Variants in CAST observed in about 807,000 individuals in gnomAD.
CAST encodes the protein MIR583 host.
In CAST, 76 loss-of-function variants were observed where a neutral mutation model predicts 119.6. The ratio of observed to expected loss-of-function variants is 0.64; its 90% CI spans 0.53 to 0.77. CAST has a LOEUF of 0.77. Among genes scored for constraint, CAST ranks in the 30% least tolerant of loss-of-function variants. CAST has a pLI of 0.00. For synonymous variants in CAST, 319 were observed against 331.6 expected (o/e 0.96, Z 0.41); for missense variants, 953 against 946.5 (o/e 1.01, Z -0.09).
the CAST span, among the ~76,000 whole-genome samples, chr5:96,511,465 A>G: frequency 2.6e-5 from 4 of 152,256 alleles, no homozygotes; most frequent in East Asian, 7.7e-4. Flanking sequence ...TTCTATCCAC[A>G]AGGTTTGAAA....
chr5:96,485,291 T>G, the CAST span, among the ~76,000 whole-genome samples: 1,301 of 152,258 alleles, frequency 8.5e-3, 22 homozygotes, highest in African/African-American at 0.03. Flanking sequence ...GATCATCAAC[T>G]CCTCTTCTTT....
At chr5:96,346,269 A>G in the CAST span, among the ~76,000 whole-genome samples, 1 of 152,186 alleles carries the variant, frequency 6.6e-6, no homozygotes, top group South Asian at 2.1e-4. Context: ...TTATAATGAT[A>G]TTCTGCAGGA....
At chr5:96,519,047 C>T in the CAST span, among the ~76,000 whole-genome samples, 7 of 151,896 alleles carry the variant, frequency 4.6e-5, no homozygotes, top group South Asian at 6.2e-4. Flanking sequence ...GGTGACAGAG[C>T]GAAACTGTCT....
At chr5:96,671,258 C>T (rs1158228966) in intron 1 of CAST, among the ~76,000 whole-genome samples, 1 of 152,140 alleles carries the variant, frequency 6.6e-6, no homozygotes, top group Non-Finnish European at 1.5e-5. Flanking sequence ...TTTACTATGG[C>T]ATCCTGTCCT....
the CAST span, among the ~76,000 whole-genome samples, chr5:96,056,044 A>G: frequency 6.6e-6 from 1 of 152,060 alleles, no homozygotes; most frequent in African/African-American, 2.4e-5. Context: ...TTTCTTTTTG[A>G]AAACATCGTT....
the CAST span, among the ~76,000 whole-genome samples, chr5:96,072,658 T>A: frequency 6.6e-6 from 1 of 152,218 alleles, no homozygotes; most frequent in Non-Finnish European, 1.5e-5. Flanking sequence ...TCTGGTGTGT[T>A]ACGCATTTGC....
chr5:96,738,309 G>A (rs151846), intron 11 of CAST, among the ~76,000 whole-genome samples: 33,429 of 152,024 alleles, frequency 0.22, 3,755 homozygotes, highest in East Asian at 0.35. Flanking sequence ...GCGACAGAGC[G>A]AGACTCCATC....
the CAST span, among the ~76,000 whole-genome samples, chr5:96,256,759 A>C: frequency 6.6e-6 from 1 of 152,152 alleles, no homozygotes; most frequent in African/African-American, 2.4e-5. Context: ...ATGATAAAAT[A>C]CATAAATATA....
the CAST span, among the ~76,000 whole-genome samples, chr5:96,330,346 A>G: frequency 6.6e-6 from 1 of 152,154 alleles, no homozygotes; most frequent in African/African-American, 2.4e-5. Flanking sequence ...TTCCCCCACC[A>G]TCTCTGTGTC....
At chr5:95,975,989 A>G in the CAST span, among the ~76,000 whole-genome samples, 9 of 152,166 alleles carry the variant, frequency 5.9e-5, no homozygotes, top group African/African-American at 2.2e-4. Context: ...GTTGCTTGTA[A>G]TCTTCAAGGG....
the CAST span, among the ~76,000 whole-genome samples, chr5:95,963,227 T>G: frequency 2.6e-5 from 4 of 152,238 alleles, no homozygotes; most frequent in Non-Finnish European, 5.9e-5. Context: ...TTTATAGATA[T>G]TTAATCAGTA....
rs78069898 is a variant in CAST, at chr5:96,648,945, A to G, written c.61-26594A>G. 3.0e-3 allele frequency among the ~76,000 whole-genome samples: 453 copies of G among 152,294 alleles called. 1 individual carries two copies. The highest frequency in any genetic ancestry group is 0.01 in the African/African-American group (423 of 41,566). On this transcript the variant is annotated intron_variant, in intron 1 of 11. Transcript: ENST00000505143. ...CCCAGGGCCTGGAATACTGTCTGGCACATGGTGGATACAGGATTCATGTTT... is the reference window on the plus strand; with the variant it reads ...CCCAGGGCCTGGAATACTGTCTGGCGCATGGTGGATACAGGATTCATGTTT...
the CAST span, among the ~76,000 whole-genome samples, chr5:96,418,612 A>G: frequency 6.6e-6 from 1 of 152,254 alleles, no homozygotes; most frequent in Admixed American, 6.5e-5. Context: ...GATAGTTTGA[A>G]GAGATAATAA....
the CAST span, among the ~76,000 whole-genome samples, chr5:96,494,957 A>C: frequency 6.6e-6 from 1 of 151,858 alleles, no homozygotes; most frequent in Admixed American, 6.6e-5. Flanking sequence ...CTCTACTAAA[A>C]ATACAAAAAA....
At position 96,543,628 on chromosome 5, in the gene CAST, T is replaced by G. The variant is rs1029234673; in HGVS notation, c.60+13748T>G. Among the ~76,000 whole-genome samples the G allele has an allele frequency of 2.2e-4, 34 of 152,198 alleles. 1 individual carries two copies. The highest frequency in any genetic ancestry group is 8.2e-4 in the African/African-American group (34 of 41,446). ...TCCAACTAATCGATGGTTTTTTTCATAGTCTGTGCTTTTGGTGTATGTAAA... is the reference window on the plus strand; with the variant it reads ...TCCAACTAATCGATGGTTTTTTTCAGAGTCTGTGCTTTTGGTGTATGTAAA... On this transcript the variant is annotated intron_variant, in intron 1 of 11. Coordinates refer to the CAST transcript ENST00000505143.
At chr5:96,723,827 G>C (rs1340431640) in intron 4 of CAST, among the ~76,000 whole-genome samples, 1 of 152,134 alleles carries the variant, frequency 6.6e-6, no homozygotes, top group African/African-American at 2.4e-5. Context: ...AATTGCCCTT[G>C]TTTAAAATTA....
the CAST span, among the ~76,000 whole-genome samples, chr5:96,416,531 T>C: frequency 1.3e-5 from 2 of 152,258 alleles, no homozygotes; most frequent in Admixed American, 1.3e-4. Flanking sequence ...TTTGTACTTT[T>C]TGGTAGCAAA....
the CAST span, among the ~76,000 whole-genome samples, chr5:96,088,807 G>T: frequency 6.6e-6 from 1 of 152,072 alleles, no homozygotes; most frequent in Non-Finnish European, 1.5e-5. Flanking sequence ...ACAGATACTG[G>T]ATTTTGAATG....
upstream of CAST, among the ~76,000 whole-genome samples, chr5:96,522,513 G>T (rs1745534843): frequency 6.6e-6 from 1 of 152,090 alleles, no homozygotes; most frequent in South Asian, 2.1e-4. Context: ...AATGAATGTT[G>T]CACAGTAAAA....
Sources: allele counts gnomAD v4.1 joint callset (sites outside exome capture counted in the v4.1 genomes callset), GRCh38; gene constraint gnomAD v4.1.1; transcripts MANE v1.5; gene names NCBI Gene and HGNC (gene_info 2026-07-23, HGNC 2026-07-21).